Variants in IVNS1ABP observed in about 807,000 individuals in gnomAD.
IVNS1ABP encodes influenza virus NS1A-binding protein.
In IVNS1ABP, 25 loss-of-function variants were observed where a neutral mutation model predicts 78.9. That is an observed-to-expected ratio of 0.32 (90% CI 0.23 to 0.44). The LOEUF is 0.44. IVNS1ABP is among the 20% of genes least tolerant of loss of function. IVNS1ABP has a pLI of 1.00. For missense variants in IVNS1ABP, 494 were observed against 768.9 expected (o/e 0.64, Z 4.23); for synonymous variants, 241 against 259.7 (o/e 0.93, Z 0.69).
chr1:185,301,668 G>A, intron 8 of IVNS1ABP, 105 bp from the exon 9 acceptor site: 1 of 1,249,382 alleles, frequency 8.0e-7, no homozygotes. Context: ...ACCTATATAT[G>A]ACATTTATAG....
In IVNS1ABP at chr1:185,310,650, A is replaced by C. The variant is rs187267488; in HGVS notation, c.-19+445T>G. Among the ~76,000 whole-genome samples, 983 of 152,176 alleles carry C rather than the reference A, an allele frequency of 6.5e-3. 15 individuals carry two copies. Among genetic ancestry groups the C allele is most frequent in the African/African-American group, 0.023 (941 of 41,504 alleles). ...CAGTAATAGGGAGGCCAAGGCAAGA[A>C]GATTGCTTGAGCCCAGGAGTTTGAG... On this transcript the variant is annotated intron_variant, in intron 2 of 14. Coordinates refer to ENST00000367498, the MANE Select transcript of IVNS1ABP (RefSeq NM_006469.5).
chr1:185,313,658 T>G (rs1034209135), intron 1 of IVNS1ABP, among the ~76,000 whole-genome samples: 3 of 152,116 alleles, frequency 2.0e-5, no homozygotes, highest in Admixed American at 1.3e-4. Flanking sequence ...CTAGTGGAAT[T>G]AAAAAATGGG....
intron 1 of IVNS1ABP, among the ~76,000 whole-genome samples, chr1:185,314,314 T>C (rs538517279): frequency 8.5e-5 from 13 of 152,178 alleles, no homozygotes; most frequent in African/African-American, 2.9e-4. Flanking sequence ...ACCAAACATA[T>C]GGAAGGCACA....
intron 2 of IVNS1ABP, among the ~76,000 whole-genome samples, chr1:185,310,692 T>C (rs986911562): frequency 1.3e-5 from 2 of 151,848 alleles, no homozygotes; most frequent in African/African-American, 2.4e-5. Context: ...CTGGGAAACA[T>C]AGTGAAATCC....
At chr1:185,299,527 TA>T in intron 14 of IVNS1ABP, 182 bp downstream of exon 14, 1 of 635,072 alleles carries the variant, frequency 1.6e-6, no homozygotes, top group Non-Finnish European at 2.8e-6. Flanking sequence ...TCAAGTATTA[TA>T]AGTCTTTGAT....
chr1:185,299,451 T>C, intron 14 of IVNS1ABP: 1 of 488,444 alleles, frequency 2.0e-6, no homozygotes, highest in Non-Finnish European at 3.7e-6. Flanking sequence ...ATATGTTTTA[T>C]AGAAGAAAAT....
intron 5 of IVNS1ABP, 23 bp from the exon 6 acceptor site, chr1:185,307,685 G>C: frequency 1.3e-6 from 2 of 1,596,964 alleles, no homozygotes; most frequent in Non-Finnish European, 1.7e-6. Flanking sequence ...ATATATGAGT[G>C]CCAACACTTA....
Position 185,296,858 on chromosome 1 carries a change from A to G in IVNS1ABP, c.*1177T>C, listed in dbSNP as rs1021862909. On this transcript the variant is annotated 3_prime_UTR_variant, in exon 15 of 15. Transcript: ENST00000367498. ...AAAAAAATTTCTCAAAACTTTTAGT[A>G]ATGAATGAGTGTACAAGCAGCAATT... 6.6e-6 allele frequency: 1 copy of G among 152,194 alleles called. No individual in the cohort carries two copies. Among genetic ancestry groups the G allele is most frequent in the Non-Finnish European group, 1.5e-5 (1 of 68,026 alleles). 9.4% of individuals were successfully genotyped at this position (152,194 alleles called of 1,614,324 possible).
chr1:185,297,733 A>G lies in IVNS1ABP; in HGVS notation c.*302T>C. The G allele has an allele frequency of 2.7e-6, 1 of 376,098 alleles. No homozygotes were observed. Among genetic ancestry groups the G allele is most frequent in the East Asian group, 5.1e-5 (1 of 19,510 alleles). 23.3% of individuals were successfully genotyped at this position (376,098 alleles called of 1,614,324 possible). ...AGTCATTTAATGTGCAAATTGGCAA[A>G]ACAAATGTGGAGGAGAGGGGACTTC... On this transcript the variant is annotated 3_prime_UTR_variant, in exon 15 of 15. Coordinates refer to ENST00000367498, the MANE Select transcript of IVNS1ABP (RefSeq NM_006469.5).
At chr1:185,311,927 A>G (rs1312929292) in intron 1 of IVNS1ABP, among the ~76,000 whole-genome samples, 1 of 152,164 alleles carries the variant, frequency 6.6e-6, no homozygotes, top group Non-Finnish European at 1.5e-5. Flanking sequence ...TCTGAGGGGT[A>G]TTTATGATCT....
At chr1:185,303,944 C>A (rs1665666238) in intron 8 of IVNS1ABP, among the ~76,000 whole-genome samples, 1 of 152,112 alleles carries the variant, frequency 6.6e-6, no homozygotes, top group African/African-American at 2.4e-5. Flanking sequence ...AGGCTTCCCA[C>A]TGCCTATAGG....
intron 5 of IVNS1ABP, 194 bp from the exon 6 acceptor site, chr1:185,307,856 T>C: frequency 7.4e-7 from 1 of 1,360,500 alleles, no homozygotes. Context: ...ATATGTAAGT[T>C]TTAGTTTAAG....
At position 185,300,791 on chromosome 1, in the gene IVNS1ABP, A is replaced by AT. The variant is rs1014234033; in HGVS notation, c.1120+180dup. The AT allele has an allele frequency of 2.2e-5, 15 of 689,452 alleles. No homozygotes were observed. The Admixed American group carries it at 4.6e-4, about 21-fold the overall frequency. 42.7% of individuals were successfully genotyped at this position (689,452 alleles called of 1,614,324 possible). On this transcript the variant is annotated intron_variant, in intron 10 of 14. Coordinates refer to ENST00000367498, the MANE Select transcript of IVNS1ABP (RefSeq NM_006469.5). Reference sequence around the variant, plus strand: ...ATTAGAAAAATTTAGCCATGACATAATTTTTTTAAAAATTAGATACAGACA... The same window carrying AT: ...ATTAGAAAAATTTAGCCATGACATAATTTTTTTTAAAAATTAGATACAGACA...
In IVNS1ABP at chr1:185,301,019, C is replaced by T; in HGVS notation, c.1073G>A (p.Arg358Gln). Reference sequence around the variant, plus strand: ...CATCTCTGCTGTTCCCAGACCAGATCGTGCGTACTGCATAGGAGACATGGG... The same window carrying T: ...CATCTCTGCTGTTCCCAGACCAGATTGTGCGTACTGCATAGGAGACATGGG... ...EKPMSPMQYA[R>Q]SGLGTAEMNG... The change falls in exon 10 of 15, where the codon CGA becomes CAA. Residue 358 changes from arginine (R) to glutamine (Q), a missense_variant. Physicochemically the swap from Arg to Gln is conservative, Grantham distance 43. Coordinates refer to ENST00000367498, the MANE Select transcript of IVNS1ABP (RefSeq NM_006469.5). The T allele has an allele frequency of 1.9e-6, 3 of 1,613,484 alleles. No individual in the cohort carries two copies. Among genetic ancestry groups the T allele is most frequent in the Non-Finnish European group, 2.5e-6 (3 of 1,179,656 alleles).
Position 185,305,497 on chromosome 1 carries a change from A to G in IVNS1ABP, c.765+39T>C. 6.2e-7 allele frequency: 1 copy of G among 1,607,582 alleles called. No individual in the cohort carries two copies. Among genetic ancestry groups the G allele is most frequent in the Non-Finnish European group, 8.5e-7 (1 of 1,176,654 alleles). On this transcript the variant is annotated intron_variant, in intron 8 of 14. Transcript: ENST00000367498. The surrounding 1 kb of genome is among the most constrained non-coding windows in gnomAD (Gnocchi z 4.0). ...GTATGCTATCAAATTCTCTAGTCAA[A>G]TTTTAACCTGAGGTTACCTCAGACT...
intron 2 of IVNS1ABP, among the ~76,000 whole-genome samples, chr1:185,310,333 C>T (rs541500813): frequency 8.5e-5 from 13 of 152,240 alleles, no homozygotes; most frequent in East Asian, 3.9e-4. Flanking sequence ...ATAGGCTGGG[C>T]GCTATGGCTC....
chr1:185,307,174 T>C, intron 6 of IVNS1ABP, 35 bp from the exon 7 acceptor site: 1 of 1,608,038 alleles, frequency 6.2e-7, no homozygotes, highest in Non-Finnish European at 8.5e-7. Flanking sequence ...TGGATCAGTG[T>C]TGGGCTCCTA....
chr1:185,298,482 C>A lies in IVNS1ABP; in HGVS notation c.1676-194G>T, dbSNP rs180993444. ...GCTGGGAATCAAATCAATAAAAAAA[C>A]CATTCCCACGTGGAACTTAGGCAAC... On this transcript the variant is annotated intron_variant, in intron 14 of 14. Coordinates refer to ENST00000367498, the MANE Select transcript of IVNS1ABP (RefSeq NM_006469.5). The surrounding 1 kb of genome is among the most constrained non-coding windows in gnomAD (Gnocchi z 4.1). The A allele has an allele frequency of 1.5e-4, 90 of 586,306 alleles. No homozygotes were observed. In the African/African-American group the frequency reaches 1.5e-3, roughly 10 times the overall value. The allele number at this position is 586,306 out of a possible 1,614,324, so 36.3% of individuals were successfully genotyped here.
intron 1 of IVNS1ABP, among the ~76,000 whole-genome samples, chr1:185,312,245 T>G (rs1287658166): frequency 1.3e-5 from 2 of 152,194 alleles, no homozygotes; most frequent in East Asian, 1.9e-4. Flanking sequence ...CTCCTACCTA[T>G]TCTCCCTCCC....
Sources: allele counts gnomAD v4.1 joint callset (sites outside exome capture counted in the v4.1 genomes callset), GRCh38; gene constraint gnomAD v4.1.1; non-coding constraint Gnocchi (gnomAD v3.1); transcripts MANE v1.5; gene names NCBI Gene and HGNC (gene_info 2026-07-23, HGNC 2026-07-21).